ALMS1: variants seen among roughly 807,000 people sequenced by gnomAD.
ALMS1 encodes the protein ALMS1 centrosome and basal body associated protein, also known as centrosome-associated protein ALMS1.
In ALMS1, 271 loss-of-function variants were observed where a neutral mutation model predicts 352.2. The ratio of observed to expected loss-of-function variants is 0.77; its 90% confidence interval spans 0.70 to 0.85. The LOEUF (loss-of-function observed/expected upper bound fraction) is 0.85. ALMS1 is among the 40% of genes least tolerant of loss of function. The probability of loss-of-function intolerance (pLI) is 0.00; values close to 1 mark genes in which losing one functional copy is unlikely to be tolerated. For synonymous variants in ALMS1, 1,865 were observed against 1,761.2 expected (o/e 1.06, Z -1.48); for missense variants, 5,445 against 4,870.7 (o/e 1.12, Z -3.51).
chr2:73,556,641 T>TTTG (rs1329506363), intron 13 of ALMS1, among the ~76,000 whole-genome samples: 69 of 133,440 alleles, frequency 5.2e-4, no homozygotes, highest in African/African-American at 2.1e-3. Context: ...TCCTTTTTTT[T>TTTG]TTTGTTTTTT....
chr2:73,585,559 A>G (rs1352255127), intron 16 of ALMS1, among the ~76,000 whole-genome samples: 1 of 150,504 alleles, frequency 6.6e-6, no homozygotes, highest in African/African-American at 2.4e-5. Flanking sequence ...ACGTCTGGCT[A>G]ATTTTTTTGT....
rs1206113616 is a variant in ALMS1 at position 73,452,219 on chromosome 2, A to G, written c.5692A>G (p.Asn1898Asp). 1.2e-6 allele frequency: 2 copies of G among 1,613,818 alleles called. No homozygotes were observed. The highest frequency in any genetic ancestry group is 4.5e-5 in the East Asian group (2 of 44,844). ...AATAGCATCCTCTAGTTCCTACTCA[A>G]ATAGAGAGAAGGCCAGTATTTTTCA... The part of the protein sequence containing the change: ...IQIASSSSYS[N>D]REKASIFHQQ... Residue 1898 changes from asparagine to aspartate, a missense_variant, in exon 8 of 23, where the codon AAT (asparagine) becomes GAT (aspartate). Transcript: ENST00000613296.
intron 10 of ALMS1, among the ~76,000 whole-genome samples, chr2:73,493,951 A>G (rs989878049): frequency 2.0e-5 from 3 of 152,238 alleles, no homozygotes; most frequent in African/African-American, 7.2e-5. Flanking sequence ...TTATTTGGGT[A>G]CTTCTGGCTT....
At chr2:73,481,633 T>C (rs1386287517) in intron 9 of ALMS1, among the ~76,000 whole-genome samples, 1 of 150,642 alleles carries the variant, frequency 6.6e-6, no homozygotes, top group African/African-American at 2.5e-5. Context: ...GGTAGCTTGA[T>C]GGGGATGGCA....
Position 73,450,161 on chromosome 2 carries a change from C to G in ALMS1, c.3634C>G (p.Pro1212Ala), listed in dbSNP as rs777862996. Residue 1212 changes from proline to alanine, a missense_variant, in exon 8 of 23, where the codon CCT (proline) becomes GCT (alanine). Transcript: ENST00000613296. ...YQQTLPGSHI[P>A]EEAQKVSPVL... ...ACAGACCTTGCCAGGTAGTCACATA[C>G]CTGAAGAGGCACAGAAAGTTTCACC... 6.2e-7 allele frequency: 1 copy of G among 1,613,956 alleles called. No homozygotes were observed. The highest frequency in any genetic ancestry group is 1.1e-5 in the South Asian group (1 of 91,066).
chr2:73,531,492 G>T (rs923509260), intron 11 of ALMS1, among the ~76,000 whole-genome samples: 2 of 152,124 alleles, frequency 1.3e-5, no homozygotes, highest in Admixed American at 6.5e-5. Context: ...AGCATTTTTG[G>T]TCAAAACCTT....
At chr2:73,543,910 G>A (rs1573008475) in intron 12 of ALMS1, among the ~76,000 whole-genome samples, 1 of 152,202 alleles carries the variant, frequency 6.6e-6, no homozygotes, top group Non-Finnish European at 1.5e-5. Flanking sequence ...CTTTTACACT[G>A]TTGGTGGGAC....
chr2:73,559,559 T>C (rs1478090054), intron 15 of ALMS1, among the ~76,000 whole-genome samples: 1 of 152,144 alleles, frequency 6.6e-6, no homozygotes, highest in Non-Finnish European at 1.5e-5. Flanking sequence ...TCCATGGGTC[T>C]CTTTTTCTGA....
At chr2:73,533,784 C>T (rs1272819277) in intron 11 of ALMS1, among the ~76,000 whole-genome samples, 2 of 152,166 alleles carry the variant, frequency 1.3e-5, no homozygotes, top group African/African-American at 4.8e-5. Context: ...CCTCTATTAG[C>T]AATTAATCAT....
At chr2:73,393,532 G>A (rs1285538462) in intron 1 of ALMS1, among the ~76,000 whole-genome samples, 3 of 152,050 alleles carry the variant, frequency 2.0e-5, no homozygotes, top group Non-Finnish European at 2.9e-5. Context: ...TACTCATTAA[G>A]TAATTTCTCT....
At chr2:73,463,023 C>A (rs1381033348) in intron 9 of ALMS1, among the ~76,000 whole-genome samples, 1 of 152,110 alleles carries the variant, frequency 6.6e-6, no homozygotes, top group Non-Finnish European at 1.5e-5. Context: ...CTTTAACACC[C>A]CACTGTCAAC....
At chr2:73,486,045 C>A (rs1055622050) in intron 9 of ALMS1, among the ~76,000 whole-genome samples, 2 of 152,026 alleles carry the variant, frequency 1.3e-5, no homozygotes, top group Non-Finnish European at 2.9e-5. Context: ...GCGTGGCTCA[C>A]GCTGGGAGCT....
rs1186533278 is a variant in ALMS1 at position 73,449,250 on chromosome 2, A to C, written c.2723A>C (p.Tyr908Ser). 6.2e-7 allele frequency: 1 copy of C among 1,614,032 alleles called. No homozygotes were observed. The highest frequency in any genetic ancestry group is 8.5e-7 in the Non-Finnish European group (1 of 1,179,984). The change falls in exon 8 of 23, where the codon TAC becomes TCC. Residue 908 changes from tyrosine to serine, a missense_variant. By Grantham distance (144) the Tyr-to-Ser change is moderately radical. Transcript: ENST00000613296. ...TGIPSAPSSF[Y>S]SHREKPIIFS... is the part of the protein sequence containing the mutation. Reference sequence around the variant, plus strand: ...ATACCCTCAGCACCATCTAGTTTCTACTCACACAGAGAGAAGCCCATTATT... The same window carrying C: ...ATACCCTCAGCACCATCTAGTTTCTCCTCACACAGAGAGAAGCCCATTATT...
intron 12 of ALMS1, among the ~76,000 whole-genome samples, chr2:73,544,114 C>T (rs1255748052): frequency 6.6e-6 from 1 of 152,136 alleles, no homozygotes; most frequent in Admixed American, 6.6e-5. Flanking sequence ...TTGGAACCAA[C>T]CCAAATGTCC....
chr2:73,537,364 C>T (rs543593692), intron 12 of ALMS1, among the ~76,000 whole-genome samples: 11 of 152,266 alleles, frequency 7.2e-5, no homozygotes, highest in East Asian at 1.9e-4. Flanking sequence ...AGACCCAAGG[C>T]GCTAGGTCTT....
In ALMS1 at chr2:73,451,267, C is replaced by G; in HGVS notation, c.4740C>G (p.Asn1580Lys). The change falls in exon 8 of 23, where the codon AAC (asparagine) becomes AAG (lysine). Residue 1580 changes from asparagine to lysine, a missense_variant. Coordinates refer to ENST00000613296, the MANE Select transcript of ALMS1 (RefSeq NM_001378454.1). ...SYSFGEKPIV[N>K]YKQAFPDGHL... ...CATTTGGAGAGAAGCCGATTGTTAA[C>G]TACAAACAGGCCTTTCCAGATGGTC... 6.2e-7 allele frequency: 1 copy of G among 1,613,940 alleles called. No homozygotes were observed. The highest frequency in any genetic ancestry group is 8.5e-7 in the Non-Finnish European group (1 of 1,179,956).
chr2:73,595,944 C>G (rs1573049383), intron 16 of ALMS1, among the ~76,000 whole-genome samples: 3 of 152,172 alleles, frequency 2.0e-5, no homozygotes, highest in Non-Finnish European at 4.4e-5. Flanking sequence ...GATGAAGTGT[C>G]TTTTTAAATC....
At position 73,449,389 on chromosome 2, in the gene ALMS1, TCACTCACATA is replaced by T; in HGVS notation, c.2863_2872del (p.His955AlafsTer22). 1 of 1,614,088 alleles carries T rather than the reference TCACTCACATA, an allele frequency of 6.2e-7. No homozygotes were observed. The highest frequency in any genetic ancestry group is 1.3e-5 in the African/African-American group (1 of 75,038). On this transcript the variant is annotated frameshift_variant, in exon 8 of 23. Coordinates refer to ENST00000613296, the MANE Select transcript of ALMS1 (RefSeq NM_001378454.1). LOFTEE classifies it high-confidence loss of function. ...GGACACCAACAGTGTCCTCTAATTC[TCACTCACATA>T]GCGAGAAATCTAGTGTTTTCTACCA...
intron 10 of ALMS1, among the ~76,000 whole-genome samples, chr2:73,503,254 C>T (rs1469379707): frequency 5.3e-5 from 8 of 151,982 alleles, no homozygotes; most frequent in Admixed American, 2.0e-4. Context: ...CCCCCTTCCC[C>T]GACCCCACAA....
Sources: allele counts gnomAD v4.1 joint callset (sites outside exome capture counted in the v4.1 genomes callset), GRCh38; gene constraint gnomAD v4.1.1; transcripts MANE v1.5; gene names NCBI Gene and HGNC (gene_info 2026-07-23, HGNC 2026-07-21).